The following DAB1 variants were observed in gnomAD, a reference collection of about 807,000 sequenced individuals.
DAB1 encodes the protein disabled homolog 1.
DAB1 carries 15 observed loss-of-function variants against 64.6 expected under a neutral mutation model. The observed-to-expected ratio is 0.23, with a 90% confidence interval of 0.16 to 0.36. The LOEUF (loss-of-function observed/expected upper bound fraction) is 0.36. Among genes scored for constraint, DAB1 ranks in the 10% least tolerant of loss-of-function variants. The pLI, the probability that DAB1 is intolerant of heterozygous loss-of-function variation, is 1.00. For synonymous variants in DAB1, 235 were observed against 251.9 expected (o/e 0.93, Z 0.64); for missense variants, 596 against 706.7 (o/e 0.84, Z 1.78).
At chr1:57,455,003 CT>C (rs1173372342) in intron 7 of DAB1, among the ~76,000 whole-genome samples, 1 of 151,976 alleles carries the variant, frequency 6.6e-6, no homozygotes, top group Non-Finnish European at 1.5e-5. Flanking sequence ...GAGAGGGCAA[CT>C]TTGTCTAATA....
chr1:58,138,323 A>G (rs1270500777), intron 5 of DAB1, among the ~76,000 whole-genome samples: 2 of 152,220 alleles, frequency 1.3e-5, no homozygotes, highest in African/African-American at 4.8e-5. Flanking sequence ...TAACACTAGA[A>G]TAAGCTGACT....
intron 3 of DAB1, among the ~76,000 whole-genome samples, chr1:58,451,122 C>T (rs1187882098): frequency 6.6e-6 from 1 of 152,122 alleles, no homozygotes; most frequent in Non-Finnish European, 1.5e-5. Context: ...TATGATTTTG[C>T]TCTGTCACTC....
intron 6 of DAB1, among the ~76,000 whole-genome samples, chr1:57,783,108 T>TTC (rs1384073953): frequency 6.4e-5 from 9 of 139,970 alleles, no homozygotes; most frequent in Admixed American, 5.7e-4. Flanking sequence ...TCTCTTTTCT[T>TTC]TTTTTTTTTT....
chr1:57,559,129 G>A (rs933270635), intron 7 of DAB1, among the ~76,000 whole-genome samples: 5 of 152,176 alleles, frequency 3.3e-5, no homozygotes, highest in African/African-American at 1.2e-4. Flanking sequence ...GGACAGCAGA[G>A]GCAAAGCAGT....
At chr1:57,783,947 T>C (rs937379780) in intron 6 of DAB1, among the ~76,000 whole-genome samples, 3 of 152,210 alleles carry the variant, frequency 2.0e-5, no homozygotes, top group Non-Finnish European at 4.4e-5. Context: ...ACAACAATAC[T>C]GAAATTAGGC....
Position 57,046,426 on chromosome 1 carries a change from C to CT in DAB1, c.723+16457dup, listed in dbSNP as rs200368874. On this transcript the variant is annotated intron_variant, in intron 9 of 14. Transcript: ENST00000371236. ...ATGATCATTTATTTAGCTCTTGCTC[C>CT]TTTTTTTTACACTAGACTTTGTTCA... is the stretch of plus-strand genomic sequence containing the variant. Among the ~76,000 whole-genome samples, 48 of 152,066 alleles carry CT rather than the reference C, an allele frequency of 3.2e-4. 1 individual carries two copies. Among genetic ancestry groups the CT allele is most frequent in the African/African-American group, 9.2e-4 (38 of 41,468 alleles).
intron 2 of DAB1, among the ~76,000 whole-genome samples, chr1:58,518,445 G>A (rs1339277432): frequency 6.6e-6 from 1 of 151,850 alleles, no homozygotes; most frequent in Non-Finnish European, 1.5e-5. Flanking sequence ...ACTTGTGGCA[G>A]GGTGGAGAAT....
chr1:57,891,761 C>T (rs1331779015), intron 5 of DAB1, among the ~76,000 whole-genome samples: 1 of 152,106 alleles, frequency 6.6e-6, no homozygotes. Flanking sequence ...AACCAAACAT[C>T]TCATGTTCTC....
At chr1:57,132,723 C>T (rs1657746103) in intron 4 of DAB1, among the ~76,000 whole-genome samples, 1 of 152,076 alleles carries the variant, frequency 6.6e-6, no homozygotes, top group Non-Finnish European at 1.5e-5. Flanking sequence ...ATTGTCTAAT[C>T]ATATATGGGT....
intron 3 of DAB1, among the ~76,000 whole-genome samples, chr1:58,423,046 A>G (rs1027831181): frequency 1.1e-4 from 17 of 152,076 alleles, no homozygotes; most frequent in Non-Finnish European, 2.2e-4. Context: ...TTGAGTTCCA[A>G]TCCCCCTTCT....
intron 7 of DAB1, among the ~76,000 whole-genome samples, chr1:57,528,027 T>C (rs1446066546): frequency 1.3e-5 from 2 of 152,040 alleles, no homozygotes; most frequent in Admixed American, 6.6e-5. Context: ...TTACAGATGA[T>C]AAAAAATGAG....
chr1:58,212,170 G>C (rs915406083), intron 4 of DAB1, among the ~76,000 whole-genome samples: 1 of 152,194 alleles, frequency 6.6e-6, no homozygotes, highest in Non-Finnish European at 1.5e-5. Flanking sequence ...TAATGAACCA[G>C]TTCCTCCTTC....
chr1:57,215,896 C>A (rs1169221219), intron 2 of DAB1, among the ~76,000 whole-genome samples: 1 of 152,186 alleles, frequency 6.6e-6, no homozygotes, highest in Non-Finnish European at 1.5e-5. Flanking sequence ...GGGGACACAG[C>A]CTCCTCTTTG....
chr1:58,350,859 G>T (rs1644048619), intron 3 of DAB1, among the ~76,000 whole-genome samples: 2 of 152,130 alleles, frequency 1.3e-5, no homozygotes, highest in Non-Finnish European at 2.9e-5. Flanking sequence ...GGTTACTATA[G>T]TCTTGTAGTA....
rs570721236 is a variant in DAB1 at position 57,756,707 on chromosome 1, G to T, written n.552-107042C>A. Among the ~76,000 whole-genome samples, 10 of 152,200 alleles carry T rather than the reference G, an allele frequency of 6.6e-5. 1 individual carries two copies. The South Asian group carries it at 1.9e-3, about 28-fold the overall frequency. ...AAAAATGATAACAGCTTCTACTAGG[G>T]TAACAGCACTAGGAACAGATAAAAA... On this transcript the variant is annotated intron_variant and non_coding_transcript_variant, in intron 6 of 20. Transcript: ENST00000485760.
chr1:57,116,453 C>T (rs1656123185), intron 4 of DAB1, among the ~76,000 whole-genome samples: 2 of 87,554 alleles, frequency 2.3e-5, no homozygotes, highest in African/African-American at 4.9e-5. Flanking sequence ...TAGAGTGAGA[C>T]TCTGTCTCAA....
At chr1:58,119,458 T>C (rs1557658482) in intron 5 of DAB1, among the ~76,000 whole-genome samples, 1 of 152,194 alleles carries the variant, frequency 6.6e-6, no homozygotes, top group Non-Finnish European at 1.5e-5. Context: ...AAGTAATATA[T>C]GTATCCCTGT....
In DAB1 at chr1:57,877,549, T is replaced by TA. The variant is rs1557532013; in HGVS notation, n.87+6449_87+6450insT. On this transcript the variant is annotated intron_variant and non_coding_transcript_variant, in intron 1 of 1. Coordinates refer to the DAB1 transcript ENST00000477280. ...TTTAAAAATCCTAATTGATTTATTT[T>TA]TTTTTTTTTTTTTTTTTTTTTTGAG... Among the ~76,000 whole-genome samples the TA allele has an allele frequency of 5.7e-5, 3 of 52,688 alleles. 1 individual carries two copies. The highest frequency in any genetic ancestry group is 2.2e-4 in the African/African-American group (2 of 9,266). The allele number at this position is 52,688 out of a possible 152,430, so 34.6% of individuals were successfully genotyped here.
At chr1:57,021,218 A>C (rs1203316765) in intron 11 of DAB1, among the ~76,000 whole-genome samples, 1 of 152,222 alleles carries the variant, frequency 6.6e-6, no homozygotes, top group African/African-American at 2.4e-5. Flanking sequence ...CAGCTAAAGA[A>C]AGGAAATCTG....
Sources: allele counts gnomAD v4.1 joint callset (sites outside exome capture counted in the v4.1 genomes callset), GRCh38; gene constraint gnomAD v4.1.1; transcripts MANE v1.5; gene names NCBI Gene and HGNC (gene_info 2026-07-23, HGNC 2026-07-21).